The following NPAS3 variants were observed in gnomAD, a reference collection of about 807,000 sequenced individuals.
The protein encoded by NPAS3 is neuronal PAS domain-containing protein 3.
A neutral mutation model predicts 73.1 loss-of-function variants in NPAS3; 14 were observed. That is an observed-to-expected ratio of 0.19 (90% confidence interval 0.13 to 0.30). The LOEUF (loss-of-function observed/expected upper bound fraction) is 0.30, where lower values mean the gene tolerates loss of function less well. Ranked by LOEUF, NPAS3 falls within the 10% of genes least tolerant of loss-of-function variation. The probability of loss-of-function intolerance (pLI) is 1.00; values close to 1 mark genes in which losing one functional copy is unlikely to be tolerated. For missense variants in NPAS3, 1,096 were observed against 1,250.0 expected (o/e 0.88, Z 1.86); for synonymous variants, 620 against 541.5 (o/e 1.14, Z -2.01).
intron 3 of NPAS3, among the ~76,000 whole-genome samples, chr14:33,224,530 T>G (rs927152410): frequency 6.6e-6 from 1 of 151,982 alleles, no homozygotes; most frequent in African/African-American, 2.4e-5. Flanking sequence ...GGAAGGCCAA[T>G]AGATATTTTT....
intron 2 of NPAS3, among the ~76,000 whole-genome samples, chr14:33,127,363 T>C (rs182384437): frequency 6.6e-6 from 1 of 152,172 alleles, no homozygotes; most frequent in Non-Finnish European, 1.5e-5. Flanking sequence ...CAGATGATTT[T>C]TCTGCATATA....
chr14:33,358,077 G>A (rs904565539), intron 3 of NPAS3, among the ~76,000 whole-genome samples: 16 of 152,136 alleles, frequency 1.1e-4, no homozygotes, highest in African/African-American at 3.9e-4. Flanking sequence ...TGGAAATGGA[G>A]CACATATTCT....
intron 1 of NPAS3, among the ~76,000 whole-genome samples, chr14:33,049,498 G>A (rs1321696955): frequency 2.6e-5 from 4 of 152,150 alleles, no homozygotes; most frequent in African/African-American, 4.8e-5. Flanking sequence ...CGTGGATGGC[G>A]GCAGGCAAAG....
chr14:33,669,286 T>TA (rs1567109416), intron 5 of NPAS3, among the ~76,000 whole-genome samples: 1 of 152,216 alleles, frequency 6.6e-6, no homozygotes, highest in Non-Finnish European at 1.5e-5. Context: ...CTGTGATAAA[T>TA]ACTAAAAAGT....
At chr14:33,167,800 T>C (rs1335795404) in intron 2 of NPAS3, among the ~76,000 whole-genome samples, 9 of 152,158 alleles carry the variant, frequency 5.9e-5, no homozygotes, top group Non-Finnish European at 1.2e-4. Flanking sequence ...CTTCCAGACA[T>C]GGTTATTCTA....
intron 7 of NPAS3, among the ~76,000 whole-genome samples, chr14:33,767,987 C>T (rs548888607): frequency 2.0e-5 from 3 of 152,294 alleles, no homozygotes; most frequent in Admixed American, 6.5e-5. Context: ...TTAACACTCC[C>T]ACATTCATCC....
At chr14:33,290,154 G>C (rs1176849621) in intron 3 of NPAS3, among the ~76,000 whole-genome samples, 1 of 152,114 alleles carries the variant, frequency 6.6e-6, no homozygotes, top group Non-Finnish European at 1.5e-5. Context: ...AATTGCCTGG[G>C]TTCATGTTAC....
At chr14:33,352,506 C>T (rs1225615269) in intron 3 of NPAS3, among the ~76,000 whole-genome samples, 1 of 152,184 alleles carries the variant, frequency 6.6e-6, no homozygotes, top group Non-Finnish European at 1.5e-5. Context: ...GTATTATTAT[C>T]TCACTCTACA....
intron 2 of NPAS3, among the ~76,000 whole-genome samples, chr14:33,057,228 A>G (rs572595868): frequency 6.6e-6 from 1 of 152,138 alleles, no homozygotes; most frequent in Non-Finnish European, 1.5e-5. Context: ...GGCTTTATTT[A>G]TTGATATTTC....
intron 4 of NPAS3, among the ~76,000 whole-genome samples, chr14:33,405,369 TCTC>T (rs1181714974): frequency 6.6e-6 from 1 of 152,094 alleles, no homozygotes; most frequent in Non-Finnish European, 1.5e-5. Flanking sequence ...TGAGGGAAAG[TCTC>T]CTTCCTTTCA....
chr14:32,934,911 G>A (rs1369260385), upstream of NPAS3: 45 of 1,007,552 alleles, frequency 4.5e-5, no homozygotes, highest in Non-Finnish European at 5.2e-5. This position sits in a 1 kb window ranked among gnomAD's most constrained non-coding sequence, Gnocchi z 4.1. Flanking sequence ...GGGCGGCCGC[G>A]GGGGTGCCGG....
intron 5 of NPAS3, among the ~76,000 whole-genome samples, chr14:33,658,156 AGAT>A (rs1317618687): frequency 6.6e-6 from 1 of 152,246 alleles, no homozygotes; most frequent in Admixed American, 6.5e-5. Flanking sequence ...AAGACTTTAT[AGAT>A]GTTTCCTAAT....
chr14:33,534,742 G>A (rs2054186434), intron 4 of NPAS3, among the ~76,000 whole-genome samples: 1 of 152,008 alleles, frequency 6.6e-6, no homozygotes, highest in Non-Finnish European at 1.5e-5. Context: ...GGGGTCTGAA[G>A]TTTCCACCGT....
At chr14:33,626,434 C>A (rs1398856833) in intron 5 of NPAS3, among the ~76,000 whole-genome samples, 2 of 152,154 alleles carry the variant, frequency 1.3e-5, no homozygotes, top group East Asian at 1.9e-4. Flanking sequence ...TTTAAAAATT[C>A]TCCAGGGGTG....
chr14:33,785,913 A>G (rs1334900615), intron 9 of NPAS3, among the ~76,000 whole-genome samples: 2 of 152,204 alleles, frequency 1.3e-5, no homozygotes, highest in Non-Finnish European at 2.9e-5. Context: ...TCATAGGGCA[A>G]TGTCCAAAGT....
chr14:33,445,243 C>A (rs1297830430), intron 4 of NPAS3, among the ~76,000 whole-genome samples: 1 of 152,170 alleles, frequency 6.6e-6, no homozygotes, highest in African/African-American at 2.4e-5. Context: ...CTATTATTCT[C>A]CTTTATGCTA....
At chr14:33,351,697 A>G (rs2045064569) in intron 3 of NPAS3, among the ~76,000 whole-genome samples, 1 of 152,200 alleles carries the variant, frequency 6.6e-6, no homozygotes, top group African/African-American at 2.4e-5. Flanking sequence ...CTATTCAGCT[A>G]TAGTCTTGAG....
At chr14:33,018,163 C>G (rs540038925) in intron 1 of NPAS3, among the ~76,000 whole-genome samples, 1 of 152,136 alleles carries the variant, frequency 6.6e-6, no homozygotes, top group Non-Finnish European at 1.5e-5. Context: ...AAGGCACAAA[C>G]GGACTAGCTG....
chr14:33,405,526 A>G (rs2047628659), intron 4 of NPAS3, among the ~76,000 whole-genome samples: 1 of 152,128 alleles, frequency 6.6e-6, no homozygotes, highest in African/African-American at 2.4e-5. Context: ...GAACTTGACC[A>G]GGTCAAGTCT....
Sources: gnomAD v4.1 joint callset for allele counts (sites outside exome capture counted in the v4.1 genomes callset) on GRCh38, gnomAD v4.1.1 for gene constraint, Gnocchi (gnomAD v3.1) non-coding constraint, MANE v1.5 for transcripts, NCBI Gene and HGNC (gene_info 2026-07-23, HGNC 2026-07-21) for gene names.